The following CSMD1 variants were observed in gnomAD, a reference collection of about 807,000 sequenced individuals.
The protein encoded by CSMD1 is CUB and Sushi multiple domains 1.
A neutral mutation model predicts 417.5 loss-of-function variants in CSMD1; 213 were observed. The ratio of observed to expected loss-of-function variants is 0.51; its 90% CI spans 0.46 to 0.57. The LOEUF is 0.57. Among genes scored for constraint, CSMD1 ranks in the 20% least tolerant of loss-of-function variants. CSMD1 has a pLI of 0.00. For missense variants in CSMD1, 6,923 were observed against 4,529.7 expected (o/e 1.53, Z -15.17); for synonymous variants, 2,862 against 1,736.8 (o/e 1.65, Z -16.11).
intron 20 of CSMD1, among the ~76,000 whole-genome samples, chr8:3,361,913 G>C (rs1331131821): frequency 6.6e-6 from 1 of 152,000 alleles, no homozygotes; most frequent in African/African-American, 2.4e-5. Flanking sequence ...GCTTTCTAAG[G>C]ATTCTCTTAT....
chr8:4,410,958 G>T (rs1044475710), intron 3 of CSMD1, among the ~76,000 whole-genome samples: 9 of 152,148 alleles, frequency 5.9e-5, no homozygotes, highest in Non-Finnish European at 1.3e-4. Context: ...GACTAGGTTA[G>T]TTATTGAAAC....
At chr8:3,368,129 A>G (rs1403555258) in intron 19 of CSMD1, among the ~76,000 whole-genome samples, 1 of 152,186 alleles carries the variant, frequency 6.6e-6, no homozygotes, top group Non-Finnish European at 1.5e-5. Context: ...TATTTTTATG[A>G]TTATAAAACT....
intron 10 of CSMD1, among the ~76,000 whole-genome samples, chr8:3,553,836 T>G (rs1799024044): frequency 6.6e-6 from 1 of 152,190 alleles, no homozygotes; most frequent in Non-Finnish European, 1.5e-5. Flanking sequence ...GTATCACTCT[T>G]GAAAAGGACT....
intron 3 of CSMD1, among the ~76,000 whole-genome samples, chr8:4,074,509 C>T (rs574060439): frequency 6.6e-6 from 1 of 152,018 alleles, no homozygotes; most frequent in Non-Finnish European, 1.5e-5. Context: ...TGATACTTTA[C>T]AAAACATGAT....
intron 1 of CSMD1, among the ~76,000 whole-genome samples, chr8:4,971,783 T>C (rs1395781405): frequency 6.6e-6 from 1 of 151,960 alleles, no homozygotes; most frequent in African/African-American, 2.4e-5. Flanking sequence ...ATTAATACAA[T>C]TCTCATTATT....
Position 3,111,484 on chromosome 8 carries a change from T to C in CSMD1, c.6431-1149A>G, listed in dbSNP as rs1191689959. 3.9e-5 allele frequency among the ~76,000 whole-genome samples: 6 copies of C among 152,154 alleles called. No individual in the cohort carries two copies. The East Asian group carries it at 1.2e-3, about 29-fold the overall frequency. ...AATTATCCCTGGGAGCCTCCACTTC[T>C]ATAAATTCTATGAGGTCAGGGTCTG... On this transcript the variant is annotated intron_variant, in intron 42 of 69. Coordinates refer to ENST00000635120, the MANE Select transcript of CSMD1 (RefSeq NM_033225.6).
In CSMD1 at chr8:3,975,786, C is replaced by G. The variant is rs139350280; in HGVS notation, c.818+22117G>C. Among the ~76,000 whole-genome samples, 547 of 152,150 alleles carry G rather than the reference C, an allele frequency of 3.6e-3. 5 individuals carry two copies. Among genetic ancestry groups the G allele is most frequent in the African/African-American group, 0.013 (526 of 41,532 alleles). ...AGTCTTCAAAAGATTTCTCTGATAA[C>G]TTAAAAAACCCATATAGGTTTATTT... is the stretch of plus-strand genomic sequence containing the variant. On this transcript the variant is annotated intron_variant, in intron 5 of 69. Transcript: ENST00000635120.
intron 2 of CSMD1, among the ~76,000 whole-genome samples, chr8:4,636,293 T>G (rs1802807289): frequency 6.6e-6 from 1 of 152,252 alleles, no homozygotes; most frequent in Non-Finnish European, 1.5e-5. Context: ...CAGGTATAAT[T>G]TTTTCTTGTT....
intron 1 of CSMD1, among the ~76,000 whole-genome samples, chr8:4,913,151 G>C (rs1460057899): frequency 6.6e-6 from 1 of 152,190 alleles, no homozygotes; most frequent in South Asian, 2.1e-4. Flanking sequence ...CCACCACTCA[G>C]AACAGGCACA....
intron 39 of CSMD1, among the ~76,000 whole-genome samples, chr8:3,156,729 G>C (rs1383537826): frequency 1.3e-5 from 2 of 152,076 alleles, no homozygotes; most frequent in South Asian, 2.1e-4. Context: ...ATAAAGACAA[G>C]ATCAGTACTG....
chr8:4,295,460 T>A (rs1054174113), intron 3 of CSMD1, among the ~76,000 whole-genome samples: 1 of 144,282 alleles, frequency 6.9e-6, no homozygotes, highest in South Asian at 2.2e-4. Flanking sequence ...TATACACATA[T>A]AATCTTATTA....
chr8:4,392,206 C>T (rs1361515713), intron 3 of CSMD1, among the ~76,000 whole-genome samples: 2 of 152,126 alleles, frequency 1.3e-5, no homozygotes, highest in Non-Finnish European at 2.9e-5. Flanking sequence ...GCTTTTTACA[C>T]AGCAGATCGT....
At chr8:4,757,084 G>A (rs147857924) in intron 1 of CSMD1, among the ~76,000 whole-genome samples, 57 of 152,304 alleles carry the variant, frequency 3.7e-4, no homozygotes, top group African/African-American at 1.3e-3. Context: ...GCAAGAAACA[G>A]GATAAGTAGG....
At chr8:3,431,718 A>C (rs1035349243) in intron 12 of CSMD1, among the ~76,000 whole-genome samples, 2 of 152,198 alleles carry the variant, frequency 1.3e-5, no homozygotes, top group Non-Finnish European at 2.9e-5. Context: ...GAAACACATC[A>C]CATCTCTCAC....
intron 1 of CSMD1, among the ~76,000 whole-genome samples, chr8:4,667,606 T>A (rs1228393127): frequency 6.6e-6 from 1 of 152,222 alleles, no homozygotes; most frequent in Non-Finnish European, 1.5e-5. Flanking sequence ...GAGTACTTTA[T>A]GTATTGGAAC....
intron 3 of CSMD1, among the ~76,000 whole-genome samples, chr8:4,218,963 T>C (rs909525349): frequency 2.0e-5 from 3 of 152,208 alleles, no homozygotes; most frequent in Non-Finnish European, 4.4e-5. Context: ...TTCCAACGTA[T>C]GTCTAATCAA....
intron 2 of CSMD1, among the ~76,000 whole-genome samples, chr8:4,521,241 T>C (rs1010895478): frequency 2.0e-5 from 3 of 152,150 alleles, no homozygotes; most frequent in Non-Finnish European, 4.4e-5. Flanking sequence ...ACCAGAATGA[T>C]AGTCATAGTG....
At chr8:4,760,339 G>A (rs1039960281) in intron 1 of CSMD1, among the ~76,000 whole-genome samples, 2 of 152,162 alleles carry the variant, frequency 1.3e-5, no homozygotes, top group African/African-American at 4.8e-5. Flanking sequence ...GTTTCCTAGT[G>A]AAATCAACAT....
Position 3,735,472 on chromosome 8 carries a change from CTG to C in CSMD1, c.931+18456_931+18457del, listed in dbSNP as rs557539267. Among the ~76,000 whole-genome samples, 675 of 152,332 alleles carry C rather than the reference CTG, an allele frequency of 4.4e-3. 1 individual carries two copies. The highest frequency in any genetic ancestry group is 6.9e-3 in the Non-Finnish European group (469 of 68,030). On this transcript the variant is annotated intron_variant, in intron 6 of 69. Coordinates refer to ENST00000635120, the MANE Select transcript of CSMD1 (RefSeq NM_033225.6). Reference sequence around the variant, plus strand: ...ATTAGGCAAAATGTTTTAGAAGTCTCTGTGTCAATATATTCATGTTTCCCTGT... The same window carrying C: ...ATTAGGCAAAATGTTTTAGAAGTCTCTGTCAATATATTCATGTTTCCCTGT...
Sources: allele counts gnomAD v4.1 joint callset (sites outside exome capture counted in the v4.1 genomes callset), GRCh38; gene constraint gnomAD v4.1.1; transcripts MANE v1.5; gene names NCBI Gene and HGNC (gene_info 2026-07-23, HGNC 2026-07-21).